CCDC85A: variants seen among roughly 807,000 people sequenced by gnomAD.
The protein encoded by CCDC85A is coiled-coil domain containing 85A.
In CCDC85A, 38 loss-of-function variants were observed where a neutral mutation model predicts 50.2. The observed-to-expected ratio is 0.76, with a 90% confidence interval of 0.58 to 0.99. CCDC85A has a LOEUF of 0.99. Among genes scored for constraint, CCDC85A ranks in the 50% least tolerant of loss-of-function variants. The probability of loss-of-function intolerance (pLI) is 0.00; values close to 1 mark genes in which losing one functional copy is unlikely to be tolerated. For missense variants in CCDC85A, 820 were observed against 742.0 expected (o/e 1.11, Z -1.22); for synonymous variants, 366 against 301.4 (o/e 1.21, Z -2.22).
chr2:56,285,129 T>G (rs1391991817), intron 2 of CCDC85A, among the ~76,000 whole-genome samples: 2 of 151,062 alleles, frequency 1.3e-5, no homozygotes, highest in Non-Finnish European at 2.9e-5. Context: ...TTACATGGAG[T>G]CTCACTCTGT....
chr2:56,317,526 A>C (rs770558257), intron 2 of CCDC85A, among the ~76,000 whole-genome samples: 3 of 152,134 alleles, frequency 2.0e-5, no homozygotes, highest in Admixed American at 1.3e-4. Context: ...AACTCAGTTC[A>C]TCTGTCCCCA....
intron 2 of CCDC85A, among the ~76,000 whole-genome samples, chr2:56,289,305 C>A (rs1188669250): frequency 6.6e-6 from 1 of 151,966 alleles, no homozygotes; most frequent in African/African-American, 2.4e-5. Flanking sequence ...GGGATATAGG[C>A]CTGGCAAATA....
chr2:56,317,891 C>T (rs1672992877), intron 2 of CCDC85A, among the ~76,000 whole-genome samples: 1 of 152,092 alleles, frequency 6.6e-6, no homozygotes, highest in African/African-American at 2.4e-5. Flanking sequence ...TCGCTTCACT[C>T]TCTCCTTGAC....
At chr2:56,256,991 T>C (rs1343601750) in intron 2 of CCDC85A, among the ~76,000 whole-genome samples, 1 of 152,098 alleles carries the variant, frequency 6.6e-6, no homozygotes, top group Non-Finnish European at 1.5e-5. Context: ...AGCTTGTTTA[T>C]AGGGGGAACA....
chr2:56,188,879 T>A (rs1011355550), intron 1 of CCDC85A, among the ~76,000 whole-genome samples: 2 of 152,216 alleles, frequency 1.3e-5, no homozygotes, highest in African/African-American at 4.8e-5. Context: ...ATGCCAGATA[T>A]GTTGCATATT....
chr2:56,202,744 A>AT lies in CCDC85A; in HGVS notation c.1240+9309dup. Among the ~76,000 whole-genome samples the AT allele has an allele frequency of 2.0e-5, 3 of 152,342 alleles. No homozygotes were observed. The South Asian group carries it at 6.2e-4, about 32-fold the overall frequency. ...AAAGGTCAGAATACCTGAGTTGCAG[A>AT]TTTTTGTTCATAGCAGCCTGGGCTG... On this transcript the variant is annotated intron_variant, in intron 2 of 5. Coordinates refer to ENST00000407595, the MANE Select transcript of CCDC85A (RefSeq NM_001080433.2).
At chr2:56,196,203 C>G (rs1281122284) in intron 2 of CCDC85A, among the ~76,000 whole-genome samples, 1 of 152,060 alleles carries the variant, frequency 6.6e-6, no homozygotes, top group African/African-American at 2.4e-5. Flanking sequence ...AAAGCAAAAG[C>G]AAAAGAAATA....
chr2:56,307,253 A>T (rs184969556), intron 2 of CCDC85A, among the ~76,000 whole-genome samples: 3 of 152,202 alleles, frequency 2.0e-5, no homozygotes, highest in African/African-American at 7.2e-5. Context: ...TAAGTATGCA[A>T]AGCAAGAAAA....
At chr2:56,235,783 G>A (rs534499989) in intron 2 of CCDC85A, among the ~76,000 whole-genome samples, 1 of 152,310 alleles carries the variant, frequency 6.6e-6, no homozygotes, top group Admixed American at 6.5e-5. Context: ...TGTGTAAAAT[G>A]TGGGTGGAGA....
At chr2:56,295,313 G>T (rs548298522) in intron 2 of CCDC85A, among the ~76,000 whole-genome samples, 1 of 152,192 alleles carries the variant, frequency 6.6e-6, no homozygotes, top group South Asian at 2.1e-4. Context: ...TTATAGCAGG[G>T]TTTTTATTCT....
chr2:56,327,281 C>A (rs1673519847), intron 2 of CCDC85A, among the ~76,000 whole-genome samples: 1 of 152,118 alleles, frequency 6.6e-6, no homozygotes, highest in South Asian at 2.1e-4. Context: ...AGATCATCTA[C>A]CTCAGTATTC....
intron 3 of CCDC85A, among the ~76,000 whole-genome samples, chr2:56,352,532 G>A (rs1675006200): frequency 6.6e-6 from 1 of 152,106 alleles, no homozygotes; most frequent in African/African-American, 2.4e-5. Flanking sequence ...TTTTAATAGA[G>A]ACGGGGTCCC....
At chr2:56,209,072 C>A (rs1455397507) in intron 2 of CCDC85A, among the ~76,000 whole-genome samples, 4 of 152,088 alleles carry the variant, frequency 2.6e-5, no homozygotes, top group African/African-American at 9.7e-5. Context: ...TTGTGAGCCA[C>A]CCTGCTCTGA....
intron 2 of CCDC85A, among the ~76,000 whole-genome samples, chr2:56,277,042 GCTGGGA>G (rs1465154018): frequency 3.3e-5 from 5 of 152,170 alleles, no homozygotes; most frequent in African/African-American, 1.2e-4. Context: ...GCTTTGAGCT[GCTGGGA>G]CTCTCTGAGG....
chr2:56,228,308 C>T (rs957765994), intron 2 of CCDC85A, among the ~76,000 whole-genome samples: 2 of 142,100 alleles, frequency 1.4e-5, no homozygotes, highest in African/African-American at 5.3e-5. Flanking sequence ...GTGCACGTGT[C>T]CCCTAAAACT....
intron 2 of CCDC85A, among the ~76,000 whole-genome samples, chr2:56,290,685 A>G (rs922372695): frequency 2.6e-5 from 4 of 152,244 alleles, no homozygotes; most frequent in African/African-American, 7.2e-5. Context: ...TAATGTTTCA[A>G]ATTTTATCAC....
At chr2:56,321,626 T>C (rs6710324) in intron 2 of CCDC85A, among the ~76,000 whole-genome samples, 41,739 of 151,978 alleles carry the variant, frequency 0.27, 6,077 homozygotes, top group East Asian at 0.54. Flanking sequence ...CAAACCACTG[T>C]GCAGTGAAAT....
At chr2:56,265,816 C>A (rs1306462639) in intron 2 of CCDC85A, among the ~76,000 whole-genome samples, 3 of 135,070 alleles carry the variant, frequency 2.2e-5, no homozygotes, top group Non-Finnish European at 4.9e-5. Flanking sequence ...GAAAAGTAAA[C>A]CAGATTTTGA....
intron 2 of CCDC85A, among the ~76,000 whole-genome samples, chr2:56,216,005 C>T (rs547800704): frequency 1.3e-5 from 2 of 151,880 alleles, no homozygotes; most frequent in Non-Finnish European, 2.9e-5. Flanking sequence ...ACTGTTGCTA[C>T]ATTTGCACTA....
Sources: allele counts gnomAD v4.1 joint callset (sites outside exome capture counted in the v4.1 genomes callset), GRCh38; gene constraint gnomAD v4.1.1; transcripts MANE v1.5; gene names NCBI Gene and HGNC (gene_info 2026-07-23, HGNC 2026-07-21).